SHC1: variants seen among roughly 807,000 people sequenced by gnomAD.
SHC1 encodes SHC adaptor protein 1.
SHC1 carries 30 observed loss-of-function variants against 55.9 expected under a neutral mutation model. The observed-to-expected ratio is 0.54, with a 90% CI of 0.40 to 0.73. SHC1 has a LOEUF of 0.73. SHC1 is among the 30% of genes least tolerant of loss of function. SHC1 has a pLI of 0.00. For missense variants in SHC1, 675 were observed against 777.1 expected (o/e 0.87, Z 1.56); for synonymous variants, 309 against 306.1 (o/e 1.01, Z -0.10).
rs1204582846 is a variant in SHC1 at position 154,962,930 on chromosome 1, G to A, written c.*873C>T. The A allele has an allele frequency of 6.5e-6, 1 of 152,714 alleles. No homozygotes were observed. Among genetic ancestry groups the A allele is most frequent in the African/African-American group, 2.4e-5 (1 of 41,430 alleles). The allele number at this position is 152,714 out of a possible 1,614,324, so 9.5% of individuals were successfully genotyped here. ...ACCTCCACAAAATCCACCTGGGAGAGTTAACTGTACAAGAGGCCCAAATTC... is the reference window on the plus strand; with the variant it reads ...ACCTCCACAAAATCCACCTGGGAGAATTAACTGTACAAGAGGCCCAAATTC... On this transcript the variant is annotated 3_prime_UTR_variant, in exon 12 of 12. Transcript: ENST00000448116.
intron 5 of SHC1, 70 bp downstream of exon 5, chr1:154,968,134 T>TA (rs1656247470): frequency 6.3e-7 from 1 of 1,586,266 alleles, no homozygotes; most frequent in Non-Finnish European, 8.7e-7. Flanking sequence ...CCCACTTCTC[T>TA]AATCAATGTC....
At chr1:154,965,502 T>C (rs757344994) in intron 11 of SHC1, 41 bp downstream of exon 11, 2 of 1,613,972 alleles carry the variant, frequency 1.2e-6, no homozygotes, top group Admixed American at 1.7e-5. Flanking sequence ...TACTGTACCT[T>C]CCTTTTTGCC....
intron 2 of SHC1, 66 bp from the exon 3 acceptor site, chr1:154,968,900 A>G (rs1439936460): frequency 1.2e-5 from 17 of 1,459,580 alleles, no homozygotes; most frequent in Non-Finnish European, 1.3e-5. Context: ...TGGGGCTGCC[A>G]CAGGGCTGGG....
chr1:154,969,884 G>A (rs1656522016), intron 1 of SHC1, 148 bp downstream of exon 1: 6 of 901,372 alleles, frequency 6.7e-6, no homozygotes, highest in African/African-American at 3.3e-5. Flanking sequence ...CTACAGAATC[G>A]GGGAAGGGAT....
rs138096624 is a variant in SHC1, at chr1:154,968,073, C to G, written c.805-42G>C. 6 of 1,609,210 alleles carry G rather than the reference C, an allele frequency of 3.7e-6. No individual in the cohort carries two copies. In the Admixed American group the frequency reaches 8.3e-5, roughly 22 times the overall value. On this transcript the variant is annotated intron_variant, in intron 5 of 11. Coordinates refer to ENST00000448116, the MANE Select transcript of SHC1 (RefSeq NM_001130040.2). Reference sequence around the variant, plus strand: ...AAAAATTTTACAGTTCTACTTTACTCCTGACCCCTAAAACCCAGTCCTTTT... The same window carrying G: ...AAAAATTTTACAGTTCTACTTTACTGCTGACCCCTAAAACCCAGTCCTTTT...
rs370671735 is a variant in SHC1 at position 154,965,639 on chromosome 1, C to T, written c.1530G>A (p.Leu510=). The T allele has an allele frequency of 2.6e-4, 415 of 1,614,180 alleles. 3 individuals are homozygous for T. In the East Asian group the frequency reaches 5.1e-3, roughly 20 times the overall value. ...EALLQLNGDF[L]VRESTTTPGQ... is the part of the protein sequence containing the mutation. ...CAGGTGTGGTCGTGCTCTCCCGTAC[C>T]AGGAAGTCCCCATTGAGCTGCAGCA... The change falls in exon 11 of 12, where the codon CTG becomes CTA. Residue 510 remains leucine, a synonymous_variant. Transcript: ENST00000448116.
Position 154,970,453 on chromosome 1 carries a change from G to T in SHC1, c.74C>A (p.Ala25Asp). ...NESLSSLEEG[A>D]SGSTPPEELP... is the part of the protein sequence containing the mutation. ...CTCCTCCGGGGGGGTGGACCCAGAA[G>T]CCCCTTCCTCCAGCGATGACAGAGA... Residue 25 changes from alanine to aspartate, a missense_variant, in exon 1 of 12, where the codon GCT (alanine) becomes GAT (aspartate). Physicochemically the swap from Ala to Asp is moderately radical, Grantham distance 126 (BLOSUM62 -2). Coordinates refer to ENST00000448116, the MANE Select transcript of SHC1 (RefSeq NM_001130040.2). This position sits in a 1 kb window ranked among gnomAD's most constrained non-coding sequence, Gnocchi z 5.5. 1 of 1,611,842 alleles carries T rather than the reference G, an allele frequency of 6.2e-7. No homozygotes were observed. The highest frequency in any genetic ancestry group is 8.5e-7 in the Non-Finnish European group (1 of 1,179,362).
chr1:154,966,760 C>A (rs1204036265), intron 7 of SHC1, among the ~76,000 whole-genome samples: 1 of 152,196 alleles, frequency 6.6e-6, no homozygotes, highest in Non-Finnish European at 1.5e-5. Context: ...CAAGGTCTCA[C>A]AACTAAAAGG....
Position 154,968,613 on chromosome 1 carries a change from G to C in SHC1, c.632C>G (p.Pro211Arg), listed in dbSNP as rs757454861. ...GAKGATRRRKPCSRPLSSILG... is the reference protein window; with the variant it reads ...GAKGATRRRKRCSRPLSSILG... ...GATAGAGCTGAGCGGGCGGCTACAG[G>C]GCTAAGGTAGGGCCCAGGGTCTCAG... is the stretch of plus-strand genomic sequence containing the variant. Residue 211 changes from proline to arginine, a missense_variant and splice_region_variant, in exon 4 of 12, where the codon CCC (proline) becomes CGC (arginine). Physicochemically the swap from Pro to Arg is moderately radical, Grantham distance 103. Around this residue, in one of 3 missense-constraint regions of SHC1, gnomAD observed 159 missense variants for 246.9 expected, o/e 0.64. Transcript: ENST00000448116. 1.2e-6 allele frequency: 2 copies of C among 1,614,070 alleles called. No individual in the cohort carries two copies. Among genetic ancestry groups the C allele is most frequent in the South Asian group, 2.2e-5 (2 of 91,088 alleles).
At position 154,962,753 on chromosome 1, in the gene SHC1, T is replaced by A. The variant is rs1462384144; in HGVS notation, c.*1050A>T. 6.5e-6 allele frequency: 1 copy of A among 152,804 alleles called. No individual in the cohort carries two copies. Among genetic ancestry groups the A allele is most frequent in the African/African-American group, 2.4e-5 (1 of 41,462 alleles). 9.5% of individuals were successfully genotyped at this position (152,804 alleles called of 1,614,324 possible). Reference sequence around the variant, plus strand: ...AATGTAATAATTGATTATCATTTTGTGCTCAAGAATAAGCAATGGAAAAGA... The same window carrying A: ...AATGTAATAATTGATTATCATTTTGAGCTCAAGAATAAGCAATGGAAAAGA... On this transcript the variant is annotated 3_prime_UTR_variant, in exon 12 of 12. Coordinates refer to ENST00000448116, the MANE Select transcript of SHC1 (RefSeq NM_001130040.2).
chr1:154,967,531 A>G lies in SHC1; in HGVS notation c.983+140T>C, dbSNP rs1656158135. On this transcript the variant is annotated intron_variant, in intron 7 of 11. Transcript: ENST00000448116. ...AGTCTTTCCTCCTGGGCCACAGGAA[A>G]CAGAAGAATAGCAGGAAGTGGGAAG... The G allele has an allele frequency of 3.4e-6, 3 of 894,308 alleles. No individual in the cohort carries two copies. In the Admixed American group the frequency reaches 8.4e-5, roughly 25 times the overall value. 55.4% of individuals were successfully genotyped at this position (894,308 alleles called of 1,614,324 possible).
chr1:154,971,200 C>T (rs552755769), upstream of SHC1, among the ~76,000 whole-genome samples: 11 of 152,026 alleles, frequency 7.2e-5, no homozygotes, highest in South Asian at 1.0e-3. Flanking sequence ...TCTCTATGCC[C>T]GAAAGCTGGC....
Position 154,968,003 on chromosome 1 carries a change from G to T in SHC1, c.833C>A (p.Ala278Asp). Reference sequence around the variant, plus strand: ...ACCTCTCTGATTCACAGGGTCTTTGGCAACATAGGCGACATACTCGGCTGT... The same window carrying T: ...ACCTCTCTGATTCACAGGGTCTTTGTCAACATAGGCGACATACTCGGCTGT... ...PDTAEYVAYVAKDPVNQRACH... is the reference protein window; with the variant it reads ...PDTAEYVAYVDKDPVNQRACH... Residue 278 changes from alanine (A) to aspartate (D), a missense_variant, in exon 6 of 12, where the codon GCC becomes GAC. Transcript: ENST00000448116. 1 of 1,614,164 alleles carries T rather than the reference G, an allele frequency of 6.2e-7. No homozygotes were observed. Among genetic ancestry groups the T allele is most frequent in the Non-Finnish European group, 8.5e-7 (1 of 1,180,018 alleles).
intron 10 of SHC1, 31 bp from the exon 11 acceptor site, chr1:154,965,812 T>C (rs1449177198): frequency 1.3e-6 from 2 of 1,591,242 alleles, no homozygotes; most frequent in Admixed American, 1.7e-5. Flanking sequence ...TGAGGGGAAG[T>C]AGCAGGCACA....
chr1:154,964,440 C>T, intron 11 of SHC1: 1 of 359,050 alleles, frequency 2.8e-6, no homozygotes, highest in South Asian at 2.1e-5. Flanking sequence ...AAGCAAAACC[C>T]TATCTCAAAA....
At position 154,966,508 on chromosome 1, in the gene SHC1, G is replaced by A. The variant is rs746711381; in HGVS notation, c.993C>T (p.Gly331=). The A allele has an allele frequency of 3.1e-6, 5 of 1,592,284 alleles. No homozygotes were observed. Among genetic ancestry groups the A allele is most frequent in the African/African-American group, 1.3e-5 (1 of 74,612 alleles). The change falls in exon 8 of 12, where the codon GGC becomes GGT. Residue 331 remains glycine (G), a synonymous_variant. Coordinates refer to ENST00000448116, the MANE Select transcript of SHC1 (RefSeq NM_001130040.2). ...KLVTPHDRMA[G]FDGSAWDEEE... Reference sequence around the variant, plus strand: ...CCTCATCCCATGCTGAGCCATCAAAGCCAGCCATCCTGAGGGACAGGACAG... The same window carrying A: ...CCTCATCCCATGCTGAGCCATCAAAACCAGCCATCCTGAGGGACAGGACAG...
intron 1 of SHC1, 140 bp downstream of exon 1, chr1:154,969,892 G>C: frequency 1.0e-6 from 1 of 968,308 alleles, no homozygotes; most frequent in Non-Finnish European, 1.6e-6. Flanking sequence ...TCGGGGAAGG[G>C]ATGAGAAAGG....
Position 154,968,605 on chromosome 1 carries a change from G to A in SHC1, c.640C>T (p.Arg214Cys), listed in dbSNP as rs150119243. 8.4e-5 allele frequency: 135 copies of A among 1,613,964 alleles called. No individual in the cohort carries two copies. The highest frequency in any genetic ancestry group is 1.1e-4 in the Non-Finnish European group (131 of 1,180,022). The change falls in exon 4 of 12, where the codon CGC (arginine) becomes TGC (cysteine). Residue 214 changes from arginine to cysteine, a missense_variant. Arg to Cys is a radical substitution (Grantham distance 180, BLOSUM62 -3). This residue lies in a region of SHC1 where 159 missense variants were observed against 246.9 expected (regional missense o/e 0.64). Transcript: ENST00000448116. ...CTCCCCAGGATAGAGCTGAGCGGGC[G>A]GCTACAGGGCTAAGGTAGGGCCCAG... Reference protein sequence around the residue: ...GATRRRKPCSRPLSSILGRSN... With the variant: ...GATRRRKPCSCPLSSILGRSN...
In SHC1 at chr1:154,966,413, A is replaced by C. The variant is rs1558054396; in HGVS notation, c.1088T>G (p.Val363Gly). 1 of 1,605,530 alleles carries C rather than the reference A, an allele frequency of 6.2e-7. No homozygotes were observed. The highest frequency in any genetic ancestry group is 2.2e-5 in the East Asian group (1 of 44,586). ...FPGKEPPLGGVVDMRLREGAA... is the reference protein window; with the variant it reads ...FPGKEPPLGGGVDMRLREGAA... ...TCCTTCCCGAAGCCTCATGTCTACC[A>C]CCCCCCCCAAGGGGGGTTCCTTCCC... Residue 363 changes from valine (V) to glycine (G), a missense_variant, in exon 8 of 12, where the codon GTG becomes GGG. Coordinates refer to ENST00000448116, the MANE Select transcript of SHC1 (RefSeq NM_001130040.2).
Sources: gnomAD v4.1 joint callset for allele counts (sites outside exome capture counted in the v4.1 genomes callset) on GRCh38, gnomAD v4.1.1 for gene constraint, gnomAD v4.1.1 regional missense constraint, Gnocchi (gnomAD v3.1) non-coding constraint, MANE v1.5 for transcripts, NCBI Gene and HGNC (gene_info 2026-07-23, HGNC 2026-07-21) for gene names.